The following PCDHA5 variants were observed in gnomAD, a reference collection of about 807,000 sequenced individuals.
The protein encoded by PCDHA5 is protocadherin alpha-5.
Under a neutral mutation model 61.6 loss-of-function variants are expected in PCDHA5, and 43 were observed. The observed-to-expected ratio is 0.70, with a 90% CI of 0.55 to 0.90. The LOEUF is 0.90. Among genes scored for constraint, PCDHA5 ranks in the 40% least tolerant of loss-of-function variants. PCDHA5 has a pLI of 0.00. For synonymous variants in PCDHA5, 627 were observed against 543.9 expected (o/e 1.15, Z -2.13); for missense variants, 1,298 against 1,222.7 (o/e 1.06, Z -0.92).
In PCDHA5 at chr5:141,010,033, G is replaced by A. The variant is rs2098415819; in HGVS notation, c.*96G>A. 1.9e-6 allele frequency: 3 copies of A among 1,581,924 alleles called. No homozygotes were observed. The South Asian group carries it at 3.6e-5, about 19-fold the overall frequency. ...CCCTGCTCCTTTTTCCTATCTACAT[G>A]AGCCCTCTTAGAGACCTCAGAAATC... On this transcript the variant is annotated 3_prime_UTR_variant, in exon 4 of 4. Transcript: ENST00000529859.
intron 1 of PCDHA5, among the ~76,000 whole-genome samples, chr5:140,939,231 G>A (rs1305244022): frequency 6.6e-6 from 1 of 152,134 alleles, no homozygotes; most frequent in East Asian, 1.9e-4. Context: ...TCACCTTCTG[G>A]AAGGAGCAAG....
chr5:140,831,736 C>A (rs1771682555), intron 1 of PCDHA5, among the ~76,000 whole-genome samples: 1 of 152,014 alleles, frequency 6.6e-6, no homozygotes. Flanking sequence ...TCCTCCCTTG[C>A]CTAAATTTCA....
intron 1 of PCDHA5, among the ~76,000 whole-genome samples, chr5:140,939,244 A>AG: frequency 6.6e-6 from 1 of 152,270 alleles, no homozygotes; most frequent in Admixed American, 6.5e-5. Flanking sequence ...GGAGCAAGGT[A>AG]GCTCTCTGGA....
intron 1 of PCDHA5, among the ~76,000 whole-genome samples, chr5:140,939,130 A>T (rs1183803741): frequency 6.6e-6 from 1 of 152,204 alleles, no homozygotes; most frequent in Admixed American, 6.5e-5. Context: ...TGGAAGCTGG[A>T]AAGTTGATGA....
chr5:140,948,150 T>C (rs1477987526), intron 1 of PCDHA5, among the ~76,000 whole-genome samples: 2 of 151,642 alleles, frequency 1.3e-5, no homozygotes, highest in Non-Finnish European at 3.0e-5. Flanking sequence ...TTTTTGAATG[T>C]TGGAAAAAAC....
rs2150347942 is a variant in PCDHA5 at position 140,842,929 on chromosome 5, C to G, written c.2352+18802C>G. On this transcript the variant is annotated intron_variant, in intron 1 of 3. Coordinates refer to ENST00000529859, the MANE Select transcript of PCDHA5 (RefSeq NM_018908.3). ...TAGAGCTGCTGCAGTTCCAGGTGAG[C>G]GCGCGCGACGCGGGCGTGCCGCCTC... is the stretch of plus-strand genomic sequence containing the variant. The G allele has an allele frequency of 1.2e-5, 19 of 1,594,384 alleles. No individual in the cohort carries two copies. The East Asian group carries it at 3.8e-4, about 32-fold the overall frequency.
At position 140,927,270 on chromosome 5, in the gene PCDHA5, C is replaced by T. The variant is rs541200655; in HGVS notation, c.2353-51679C>T. 5 of 1,614,150 alleles carry T rather than the reference C, an allele frequency of 3.1e-6. No individual in the cohort carries two copies. The South Asian group carries it at 3.3e-5, about 11-fold the overall frequency. ...ATGACAACTCACCTCTCTTTCCTGCCGGCGACGTGCAGCTGCACATCCCCG... is the reference window on the plus strand; with the variant it reads ...ATGACAACTCACCTCTCTTTCCTGCTGGCGACGTGCAGCTGCACATCCCCG... On this transcript the variant is annotated intron_variant, in intron 1 of 3. Transcript: ENST00000529859.
chr5:140,850,669 C>T lies in PCDHA5; in HGVS notation c.2352+26542C>T, dbSNP rs2150493050. 128 of 1,598,504 alleles carry T rather than the reference C, an allele frequency of 8.0e-5. 13 individuals are homozygous for T. The highest frequency in any genetic ancestry group is 3.3e-4 in the Middle Eastern group (2 of 5,998). The stretch of plus-strand genomic sequence containing the variant: ...CTGTACACTGTGCTGCGGTGCTCGG[C>T]GATGCCCACCGAGGGCGAGTGCGCG... On this transcript the variant is annotated intron_variant, in intron 1 of 3. Transcript: ENST00000529859.
At chr5:141,001,822 TGACAGAGAGGGA>T (rs541215764) in intron 3 of PCDHA5, among the ~76,000 whole-genome samples, 203 of 152,310 alleles carry the variant, frequency 1.3e-3, no homozygotes, top group African/African-American at 4.5e-3. Context: ...GGCCAAATTC[TGACAGAGAGGGA>T]GACAGAGAGA....
rs2150132538 is a variant in PCDHA5, at chr5:140,824,142, A to G, written c.2352+15A>G. 3 of 1,611,752 alleles carry G rather than the reference A, an allele frequency of 1.9e-6. No homozygotes were observed. The African/African-American group carries it at 4.0e-5, about 22-fold the overall frequency. ...CTACAGACAACGTGAGTTTTCTAAT[A>G]TTAACATCCATCTTTCCCTCCCAAT... On this transcript the variant is annotated intron_variant, in intron 1 of 3. Transcript: ENST00000529859.
At chr5:140,843,511 C>CG in intron 1 of PCDHA5, 2 of 1,595,670 alleles carry the variant, frequency 1.3e-6, no homozygotes, top group Non-Finnish European at 1.7e-6. Flanking sequence ...CCACTGAGGG[C>CG]GGGTGCCGGG....
At position 140,821,815 on chromosome 5, in the gene PCDHA5, C is replaced by T. The variant is rs2150110847; in HGVS notation, c.40C>T (p.Leu14=). 5.4e-5 allele frequency: 87 copies of T among 1,613,842 alleles called. No individual in the cohort carries two copies. The highest frequency in any genetic ancestry group is 6.0e-5 in the Non-Finnish European group (71 of 1,179,942). ...GAGAGGAAGTCTGGGATCCCGGCTC[C>T]TGCTGCTCTGGCTTCTCCTTGCCTA... ...SRRGSLGSRL[L]LLWLLLAYWK... Residue 14 remains leucine (L), a synonymous_variant, in exon 1 of 4, where the codon CTG becomes TTG. Coordinates refer to ENST00000529859, the MANE Select transcript of PCDHA5 (RefSeq NM_018908.3).
At chr5:140,828,190 C>T in intron 1 of PCDHA5, 1 of 1,614,112 alleles carries the variant, frequency 6.2e-7, no homozygotes, top group Admixed American at 1.7e-5. Flanking sequence ...AGCTCCACTA[C>T]TCCGTACCCG....
chr5:140,947,570 TG>T (rs2094146227), intron 1 of PCDHA5, among the ~76,000 whole-genome samples: 1 of 151,820 alleles, frequency 6.6e-6, no homozygotes, highest in African/African-American at 2.4e-5. Flanking sequence ...ATATTGGGAA[TG>T]TTTTTAACAT....
At chr5:140,856,152 A>T in intron 1 of PCDHA5, 1 of 1,598,182 alleles carries the variant, frequency 6.3e-7, no homozygotes, top group Non-Finnish European at 8.6e-7. Flanking sequence ...TACTCAGTCT[A>T]CGAGGAGGCC....
At chr5:140,918,027 G>C (rs782291548) in intron 1 of PCDHA5, among the ~76,000 whole-genome samples, 2 of 152,108 alleles carry the variant, frequency 1.3e-5, no homozygotes, top group East Asian at 3.8e-4. Context: ...ACCCATGAGC[G>C]TGGAAGGTCT....
intron 1 of PCDHA5, among the ~76,000 whole-genome samples, chr5:140,897,009 ATAC>A (rs2065839600): frequency 6.6e-6 from 1 of 152,174 alleles, no homozygotes. Flanking sequence ...ATTTTTAAAT[ATAC>A]AACTAAATTA....
At chr5:141,008,014 CT>C (rs1268690822) in intron 3 of PCDHA5, among the ~76,000 whole-genome samples, 12 of 152,070 alleles carry the variant, frequency 7.9e-5, no homozygotes, top group African/African-American at 1.7e-4. Flanking sequence ...CTTCTGTTTC[CT>C]TTTTTTTCTT....
At chr5:140,948,942 TA>T (rs34363674) in intron 1 of PCDHA5, among the ~76,000 whole-genome samples, 1 of 151,394 alleles carries the variant, frequency 6.6e-6, no homozygotes, top group Admixed American at 6.6e-5. Context: ...TCTTCTAATA[TA>T]AAAAAATTAA....
Sources: gnomAD v4.1 joint callset for allele counts (sites outside exome capture counted in the v4.1 genomes callset) on GRCh38, gnomAD v4.1.1 for gene constraint, MANE v1.5 for transcripts, NCBI Gene and HGNC (gene_info 2026-07-23, HGNC 2026-07-21) for gene names.